Variants in SPTBN5 observed in about 807,000 individuals in gnomAD.
SPTBN5 encodes spectrin beta chain, non-erythrocytic 5.
In SPTBN5, 513 loss-of-function variants were observed where a neutral mutation model predicts 477.6. The ratio of observed to expected loss-of-function variants is 1.07; its 90% CI spans 1.00 to 1.16. The LOEUF (loss-of-function observed/expected upper bound fraction) is 1.16. SPTBN5 is among the 50% of genes most tolerant of loss of function. SPTBN5 has a pLI of 0.00. For synonymous variants in SPTBN5, 2,169 were observed against 2,011.7 expected (o/e 1.08, Z -2.09); for missense variants, 5,062 against 4,731.8 (o/e 1.07, Z -2.05).
rs535748455 is a variant in SPTBN5 at position 41,850,332 on chromosome 15, C to T, written c.10922-373G>A. 2.4e-4 allele frequency: 66 copies of T among 278,436 alleles called. 1 individual carries two copies. The highest frequency in any genetic ancestry group is 5.3e-4 in the South Asian group (10 of 18,954). 17.2% of individuals were successfully genotyped at this position (278,436 alleles called of 1,614,324 possible). ...ATCCCAGACACATTCCCTGAACACA[C>T]GGTCCACACGGAGCCTCAGCAGAGC... On this transcript the variant is annotated intron_variant, in intron 66 of 67. Transcript: ENST00000320955.
rs773802808 is a variant in SPTBN5 at position 41,877,229 on chromosome 15, T to G, written c.3598A>C (p.Arg1200=). 3.1e-6 allele frequency: 5 copies of G among 1,613,862 alleles called. No homozygotes were observed. The African/African-American group carries it at 5.3e-5, about 17-fold the overall frequency. The change falls in exon 18 of 68, where the codon AGG becomes CGG. Residue 1200 remains arginine, a synonymous_variant. Transcript: ENST00000320955. ...GQELKVLWEQ[R]QQWLQEGLEL... ...AGCCCCTCTTGCAGCCACTGCTGCC[T>G]CTGCTCCCACAAAACCTTCAGCTCC...
chr15:41,885,939 TC>T lies in SPTBN5; in HGVS notation c.1315del (p.Glu439ArgfsTer11). 6.4e-7 allele frequency: 1 copy of T among 1,571,774 alleles called. No homozygotes were observed. Among genetic ancestry groups the T allele is most frequent in the Non-Finnish European group, 8.6e-7 (1 of 1,158,628 alleles). On this transcript the variant is annotated frameshift_variant, in exon 7 of 68. Transcript: ENST00000320955. LOFTEE classifies it high-confidence loss of function. The stretch of plus-strand genomic sequence containing the variant: ...CTGCTCTGCATCCTTAAGGAAACTC[TC>T]CCGGAGGGCTGCCTTGTGCTGGAAG... ...RRFQHKAALR[E>X]SFLKDAEQVL...
In SPTBN5 at chr15:41,858,628, T is replaced by C. The variant is rs368098868; in HGVS notation, c.8200A>G (p.Met2734Val). ...CGCTGCAGCTCCTGCTGTTGGTGCA[T>C]GCTCGCGTCCAGCTCCGCCTGGAAA... ...QNFQAELDASMHQQQELQREG... is the reference protein window; with the variant it reads ...QNFQAELDASVHQQQELQREG... Residue 2734 changes from methionine (M) to valine (V), a missense_variant, in exon 49 of 68, where the codon ATG becomes GTG. By Grantham distance (21) the Met-to-Val change is conservative. Coordinates refer to ENST00000320955, the MANE Select transcript of SPTBN5 (RefSeq NM_016642.4). 122 of 1,611,602 alleles carry C rather than the reference T, an allele frequency of 7.6e-5. No homozygotes were observed. Among genetic ancestry groups the C allele is most frequent in the Non-Finnish European group, 4.4e-5 (52 of 1,179,534 alleles).
chr15:41,853,988 C>A (rs1239526950), intron 57 of SPTBN5, 62 bp downstream of exon 57: 1 of 1,503,792 alleles, frequency 6.6e-7, no homozygotes, highest in South Asian at 1.3e-5. Context: ...TGAGATAGGT[C>A]CCCTCAGCCA....
Position 41,878,459 on chromosome 15 carries a change from G to A in SPTBN5, c.3353C>T (p.Ala1118Val), listed in dbSNP as rs780484948. The part of the protein sequence containing the change: ...LQESQQLLLW[A>V]ESVQAQLRSK... ...GCGCAGCTGAGCCTGGACACTCTCT[G>A]CCCACAGTAGCAGTTGCTGGCTCTC... Residue 1118 changes from alanine (A) to valine (V), a missense_variant, in exon 17 of 68, where the codon GCA (alanine) becomes GTA (valine). Transcript: ENST00000320955. 9 of 1,613,616 alleles carry A rather than the reference G, an allele frequency of 5.6e-6. No homozygotes were observed. The highest frequency in any genetic ancestry group is 5.0e-5 in the Admixed American group (3 of 60,008).
intron 67 of SPTBN5, 74 bp downstream of exon 67, chr15:41,849,795 C>A (rs890290278): frequency 1.7e-6 from 2 of 1,210,012 alleles, no homozygotes; most frequent in East Asian, 5.1e-5. Flanking sequence ...GAACCTCAGG[C>A]TTCAGAGGAC....
chr15:41,888,222 C>T (rs2067214942), intron 4 of SPTBN5, 137 bp from the exon 5 acceptor site: 4 of 834,986 alleles, frequency 4.8e-6, no homozygotes, highest in South Asian at 1.8e-5. Context: ...ACTCTCCTCT[C>T]TTCAGAGTAT....
At chr15:41,848,731 T>C in intron 67 of SPTBN5, 103 bp from the exon 68 acceptor site, 1 of 1,371,672 alleles carries the variant, frequency 7.3e-7, no homozygotes, top group Admixed American at 1.7e-5. Flanking sequence ...CCAGCCAGCC[T>C]CCTAGAATAA....
intron 44 of SPTBN5, 65 bp from the exon 45 acceptor site, chr15:41,861,988 G>A: frequency 6.5e-7 from 1 of 1,549,662 alleles, no homozygotes; most frequent in South Asian, 1.2e-5. Context: ...GAGAGAGGTG[G>A]GGAAGCAGCT....
intron 41 of SPTBN5, 118 bp downstream of exon 41, chr15:41,863,586 A>G: frequency 1.3e-6 from 1 of 762,548 alleles, no homozygotes; most frequent in Non-Finnish European, 2.2e-6. Context: ...ACCTCCAAGT[A>G]CCCAGCTGAA....
At chr15:41,858,199 G>T (rs1028360876) in intron 49 of SPTBN5, among the ~76,000 whole-genome samples, 20 of 152,192 alleles carry the variant, frequency 1.3e-4, no homozygotes, top group Non-Finnish European at 1.3e-4. Context: ...TTGGGAGGCT[G>T]AGCTGGGAAG....
Position 41,853,354 on chromosome 15 carries a change from C to G in SPTBN5, c.10074G>C (p.Glu3358Asp), listed in dbSNP as rs1288416692. 6.2e-7 allele frequency: 1 copy of G among 1,612,672 alleles called. No homozygotes were observed. The highest frequency in any genetic ancestry group is 8.5e-7 in the Non-Finnish European group (1 of 1,179,598). Residue 3358 changes from glutamate (E) to aspartate (D), a missense_variant, in exon 59 of 68, where the codon GAG becomes GAC. Physicochemically the swap from Glu to Asp is conservative, Grantham distance 45 (BLOSUM62 2). Coordinates refer to ENST00000320955, the MANE Select transcript of SPTBN5 (RefSeq NM_016642.4). ...GAEQLLGQHE[E>D]LGQEIRECRL... is the part of the protein sequence containing the mutation. The stretch of plus-strand genomic sequence containing the variant: ...GGCACTCCCTGATTTCTTGCCCCAG[C>G]TCTTCATGCTGCCCAAGGAGCTGCT...
Position 41,879,294 on chromosome 15 carries a change from T to G in SPTBN5, c.3148A>C (p.Arg1050=). 1.2e-6 allele frequency: 2 copies of G among 1,611,934 alleles called. No homozygotes were observed. Among genetic ancestry groups the G allele is most frequent in the African/African-American group, 2.7e-5 (2 of 75,052 alleles). Residue 1050 remains arginine, a synonymous_variant, in exon 16 of 68, where the codon AGG becomes CGG. Coordinates refer to ENST00000320955, the MANE Select transcript of SPTBN5 (RefSeq NM_016642.4). ...LAQKKTLVLE[R]RVHFLQSVVV... ...ACACTTTGGAGGAAGTGGACCCTCC[T>G]CTCCAGCACCAGGGTCTTCTTCTGG...
chr15:41,851,410 G>C, intron 63 of SPTBN5, 41 bp from the exon 64 acceptor site: 2 of 1,448,686 alleles, frequency 1.4e-6, no homozygotes, highest in Non-Finnish European at 9.5e-7. Flanking sequence ...GCCACACGCA[G>C]GAAGCCAGAG....
intron 26 of SPTBN5, 133 bp downstream of exon 26, chr15:41,873,359 G>T: frequency 1.5e-6 from 1 of 685,590 alleles, no homozygotes. Flanking sequence ...GTGGGAAGTG[G>T]GGATGGGGCT....
At position 41,868,049 on chromosome 15, in the gene SPTBN5, G is replaced by A; in HGVS notation, c.6207+20C>T. Reference sequence around the variant, plus strand: ...AGGAGCAGGAGGCTGAGCGGAGTGTGAGGGCGGGAGGGGACCTGCCTCCTG... The same window carrying A: ...AGGAGCAGGAGGCTGAGCGGAGTGTAAGGGCGGGAGGGGACCTGCCTCCTG... On this transcript the variant is annotated intron_variant, in intron 34 of 67. Transcript: ENST00000320955. 6.3e-6 allele frequency: 10 copies of A among 1,588,146 alleles called. No homozygotes were observed. Among genetic ancestry groups the A allele is most frequent in the Non-Finnish European group, 8.5e-6 (10 of 1,172,670 alleles).
chr15:41,874,139 A>AC (rs763718349), intron 24 of SPTBN5, 94 bp from the exon 25 acceptor site: 199 of 1,508,658 alleles, frequency 1.3e-4, no homozygotes, highest in Non-Finnish European at 1.7e-4. Context: ...TCATGGCAAG[A>AC]CCCCCAGGGT....
Position 41,872,282 on chromosome 15 carries a change from A to G in SPTBN5, c.5165+20T>C, listed in dbSNP as rs1337460417. 2.5e-6 allele frequency: 4 copies of G among 1,604,764 alleles called. No homozygotes were observed. The highest frequency in any genetic ancestry group is 2.2e-4 in the Middle Eastern group (1 of 4,456). On this transcript the variant is annotated intron_variant, in intron 27 of 67. Transcript: ENST00000320955. ...TAGGCCTCCTGTACCCACTGATGAG[A>G]GGGGTTATGGTGTCCTCACCGTGTG...
At position 41,893,511 on chromosome 15, in the gene SPTBN5, T is replaced by C. The variant is rs1283808625; in HGVS notation, c.-14A>G. The stretch of plus-strand genomic sequence containing the variant: ...CTGACCAGCCATCAGCCCTGCAGAC[T>C]TTGGGGATGAGGAGCTGCTGGATGG... On this transcript the variant is annotated 5_prime_UTR_variant, in exon 2 of 68. Transcript: ENST00000320955. 1 of 1,558,994 alleles carries C rather than the reference T, an allele frequency of 6.4e-7. No homozygotes were observed. The highest frequency in any genetic ancestry group is 1.4e-5 in the African/African-American group (1 of 73,884).
Sources: allele counts gnomAD v4.1 joint callset (sites outside exome capture counted in the v4.1 genomes callset), GRCh38; gene constraint gnomAD v4.1.1; transcripts MANE v1.5; gene names NCBI Gene and HGNC (gene_info 2026-07-23, HGNC 2026-07-21).